Variants in ADAM17 observed in about 807,000 individuals in gnomAD.
ADAM17 encodes the protein ADAM metallopeptidase domain 17.
In ADAM17, 39 loss-of-function variants were observed where a neutral mutation model predicts 96.7. That is an observed-to-expected ratio of 0.40 (90% CI 0.31 to 0.53). ADAM17 has a LOEUF of 0.53. ADAM17 is among the 20% of genes least tolerant of loss of function. ADAM17 has a pLI of 0.44. For missense variants in ADAM17, 777 were observed against 1,013.2 expected, an observed-to-expected ratio of 0.77 and a Z score of 3.17; for synonymous variants, 344 against 359.2, an observed-to-expected ratio of 0.96 and a Z score of 0.48.
chr2:9,495,304 C>G (rs542212933), intron 14 of ADAM17, among the ~76,000 whole-genome samples: 1 of 152,312 alleles, frequency 6.6e-6, no homozygotes, highest in East Asian at 1.9e-4. Context: ...GATAAAACAC[C>G]GGGCATCTGT....
At chr2:9,539,390 CAT>C (rs1383064501) in intron 2 of ADAM17, among the ~76,000 whole-genome samples, 1 of 152,144 alleles carries the variant, frequency 6.6e-6, no homozygotes, top group Non-Finnish European at 1.5e-5. Context: ...GCTGGGATTA[CAT>C]GTGTGAGTCA....
At chr2:9,495,258 A>G (rs1662484087) in intron 14 of ADAM17, among the ~76,000 whole-genome samples, 1 of 152,246 alleles carries the variant, frequency 6.6e-6, no homozygotes, top group East Asian at 1.9e-4. Flanking sequence ...CCAAAGCTCC[A>G]CAACTCCTCC....
intron 4 of ADAM17, among the ~76,000 whole-genome samples, chr2:9,533,184 A>T (rs955092997): frequency 2.6e-5 from 4 of 150,946 alleles, no homozygotes; most frequent in Non-Finnish European, 5.9e-5. Flanking sequence ...GCGAGATGCC[A>T]TCTTAAAAAA....
intron 1 of ADAM17, among the ~76,000 whole-genome samples, chr2:9,554,582 C>G (rs571484831): frequency 6.6e-6 from 1 of 152,340 alleles, no homozygotes; most frequent in South Asian, 2.1e-4. Flanking sequence ...TACAACCATG[C>G]AAGCCTACAA....
chr2:9,523,392 G>A (rs1369763599), intron 6 of ADAM17, 54 bp from the exon 7 acceptor site: 14 of 1,401,908 alleles, frequency 1.0e-5, no homozygotes, highest in Non-Finnish European at 1.3e-5. Context: ...ACCTCTCCTG[G>A]CAATGCAATA....
rs748030483 is a variant in ADAM17, at chr2:9,518,001, AG to A, written c.1103-13del. 1 of 1,589,192 alleles carries A rather than the reference AG, an allele frequency of 6.3e-7. No individual in the cohort carries two copies. The highest frequency in any genetic ancestry group is 8.5e-7 in the Non-Finnish European group (1 of 1,171,470). The stretch of plus-strand genomic sequence containing the variant: ...TGGGCTATAATAAGCTAAAGTCAAA[AG>A]GAAACAGAGATAAATTGCTTATTAA... On this transcript the variant is annotated splice_polypyrimidine_tract_variant and intron_variant, in intron 9 of 18. Coordinates refer to ENST00000310823, the MANE Select transcript of ADAM17 (RefSeq NM_003183.6).
intron 1 of ADAM17, among the ~76,000 whole-genome samples, chr2:9,550,884 C>T (rs1665567267): frequency 7.3e-6 from 1 of 137,746 alleles, no homozygotes; most frequent in African/African-American, 2.8e-5. Context: ...ATGATGAAAC[C>T]CCATCTCTAC....
intron 6 of ADAM17, 39 bp from the exon 7 acceptor site, chr2:9,523,377 T>G: frequency 6.8e-7 from 1 of 1,466,224 alleles, no homozygotes; most frequent in Non-Finnish European, 9.5e-7. Context: ...ATTATGTAAC[T>G]CTTTACCTCT....
intron 11 of ADAM17, chr2:9,506,962 A>C (rs1056204): frequency 0.23 from 34,884 of 151,950 alleles, 4,761 homozygotes; most frequent in Middle Eastern, 0.31. Context: ...CATCCTTGTC[A>C]TAAGACTTCC....
chr2:9,518,639 T>C (rs1420013390), intron 8 of ADAM17, among the ~76,000 whole-genome samples: 1 of 152,206 alleles, frequency 6.6e-6, no homozygotes, highest in Non-Finnish European at 1.5e-5. Flanking sequence ...TTTCAAGGAT[T>C]CAATTGGTTT....
intron 12 of ADAM17, among the ~76,000 whole-genome samples, chr2:9,503,563 AGGAGC>A (rs1256971594): frequency 2.6e-5 from 4 of 152,202 alleles, no homozygotes; most frequent in African/African-American, 9.6e-5. Flanking sequence ...TTGGGCAGCC[AGGAGC>A]AGTGGCTCAC....
chr2:9,541,310 C>G lies in ADAM17; in HGVS notation c.230+1843G>C, dbSNP rs148799790. On this transcript the variant is annotated intron_variant, in intron 2 of 18. Coordinates refer to ENST00000310823, the MANE Select transcript of ADAM17 (RefSeq NM_003183.6). ...GGGCACGGTGGCTCACACCTGTAATCCCATCACATTGGGAGCCTGAGGCAG... is the reference window on the plus strand; with the variant it reads ...GGGCACGGTGGCTCACACCTGTAATGCCATCACATTGGGAGCCTGAGGCAG... Among the ~76,000 whole-genome samples, 1,499 of 152,308 alleles carry G rather than the reference C, an allele frequency of 9.8e-3. 23 individuals carry two copies. Among genetic ancestry groups the G allele is most frequent in the African/African-American group, 0.031 (1,284 of 41,564 alleles).
At chr2:9,516,134 T>TAGCA (rs1195349053) in intron 10 of ADAM17, among the ~76,000 whole-genome samples, 1 of 152,264 alleles carries the variant, frequency 6.6e-6, no homozygotes, top group Non-Finnish European at 1.5e-5. Flanking sequence ...GCTTCTCTGC[T>TAGCA]ATCTGTATAT....
At chr2:9,493,219 A>G (rs141389518) in intron 16 of ADAM17, among the ~76,000 whole-genome samples, 2 of 152,336 alleles carry the variant, frequency 1.3e-5, no homozygotes, top group East Asian at 3.9e-4. Context: ...AGAATATTCA[A>G]CATGTTACCT....
chr2:9,527,647 G>T, intron 5 of ADAM17, 139 bp downstream of exon 5: 2 of 537,344 alleles, frequency 3.7e-6, no homozygotes, highest in Non-Finnish European at 5.8e-6. Flanking sequence ...GAAAATTTCT[G>T]GAACAAACCT....
chr2:9,511,294 C>A (rs939559161), intron 10 of ADAM17, among the ~76,000 whole-genome samples: 1 of 151,848 alleles, frequency 6.6e-6, no homozygotes, highest in African/African-American at 2.4e-5. Flanking sequence ...ACTAAAAATA[C>A]AAAAAATTAG....
At chr2:9,535,800 A>G (rs549884981) in intron 4 of ADAM17, 34 bp downstream of exon 4, 2 of 1,373,160 alleles carry the variant, frequency 1.5e-6, no homozygotes, top group Non-Finnish European at 2.0e-6. Context: ...TCAGAGATAT[A>G]AGCTACTGAA....
At chr2:9,494,274 T>C (rs1662386666) in intron 15 of ADAM17, among the ~76,000 whole-genome samples, 1 of 152,222 alleles carries the variant, frequency 6.6e-6, no homozygotes, top group Non-Finnish European at 1.5e-5. Flanking sequence ...TCTTTCCTAC[T>C]CATTCAGCAC....
chr2:9,553,707 A>C (rs1665655842), intron 1 of ADAM17, among the ~76,000 whole-genome samples: 1 of 151,576 alleles, frequency 6.6e-6, no homozygotes, highest in Non-Finnish European at 1.5e-5. Context: ...AAAAGAAAAG[A>C]AAAGAAAAAA....
Sources: allele counts gnomAD v4.1 joint callset (sites outside exome capture counted in the v4.1 genomes callset), GRCh38; gene constraint gnomAD v4.1.1; transcripts MANE v1.5; gene names NCBI Gene and HGNC (gene_info 2026-07-23, HGNC 2026-07-21).